The following CNOT4 variants were observed in gnomAD, a reference collection of about 807,000 sequenced individuals.
The protein encoded by CNOT4 is CCR4-NOT transcription complex subunit 4.
Under a neutral mutation model 73.8 loss-of-function variants are expected in CNOT4, and 8 were observed. That is an observed-to-expected ratio of 0.11 (90% CI 0.06 to 0.20). The LOEUF is 0.20. CNOT4 is among the 10% of genes least tolerant of loss of function. The pLI is 1.00. For missense variants in CNOT4, 564 were observed against 883.4 expected, an observed-to-expected ratio of 0.64 and a Z score of 4.58; for synonymous variants, 293 against 321.1, an observed-to-expected ratio of 0.91 and a Z score of 0.94.
At chr7:135,494,470 CAAAAAAAAAAA>C (rs34284664) in intron 1 of CNOT4, among the ~76,000 whole-genome samples, 2 of 73,054 alleles carry the variant, frequency 2.7e-5, no homozygotes, top group East Asian at 4.0e-4. Context: ...AATTCCGTCT[CAAAAAAAAAAA>C]AAAAAAAAAA....
intron 1 of CNOT4, among the ~76,000 whole-genome samples, chr7:135,474,542 G>A (rs1035575857): frequency 2.0e-5 from 3 of 152,048 alleles, no homozygotes; most frequent in African/African-American, 7.2e-5. Context: ...CTCCCAAAGT[G>A]CTAGGATTAC....
chr7:135,459,450 A>G (rs562008776), intron 1 of CNOT4, among the ~76,000 whole-genome samples: 1 of 152,148 alleles, frequency 6.6e-6, no homozygotes, highest in African/African-American at 2.4e-5. Flanking sequence ...TTTTTCTCTT[A>G]TACTTCTCCC....
intron 10 of CNOT4, among the ~76,000 whole-genome samples, chr7:135,373,292 G>A (rs1484336770): frequency 6.6e-6 from 1 of 152,220 alleles, no homozygotes; most frequent in Non-Finnish European, 1.5e-5. Context: ...GCAGGGCAAT[G>A]TAGTTCCATG....
At chr7:135,409,855 T>C (rs993974025) in intron 7 of CNOT4, among the ~76,000 whole-genome samples, 1 of 152,168 alleles carries the variant, frequency 6.6e-6, no homozygotes, top group African/African-American at 2.4e-5. Flanking sequence ...TATGATTTTC[T>C]GACAGGCCAT....
chr7:135,451,867 C>T (rs758111668), intron 1 of CNOT4, among the ~76,000 whole-genome samples: 1 of 152,108 alleles, frequency 6.6e-6, no homozygotes, highest in Non-Finnish European at 1.5e-5. Flanking sequence ...AAGACTGTGC[C>T]TATGTTATTC....
At chr7:135,483,215 G>A (rs962775301) in intron 1 of CNOT4, among the ~76,000 whole-genome samples, 4 of 150,664 alleles carry the variant, frequency 2.7e-5, no homozygotes, top group Non-Finnish European at 5.9e-5. Flanking sequence ...CCACATGCCT[G>A]TACTCCCAGC....
At chr7:135,475,324 C>G (rs904450819) in intron 1 of CNOT4, among the ~76,000 whole-genome samples, 2 of 151,996 alleles carry the variant, frequency 1.3e-5, no homozygotes, top group African/African-American at 4.8e-5. Flanking sequence ...AGTCAATCAA[C>G]AAAATTAAGC....
intron 1 of CNOT4, among the ~76,000 whole-genome samples, chr7:135,486,656 C>T (rs1044849406): frequency 2.0e-5 from 3 of 152,296 alleles, no homozygotes; most frequent in Middle Eastern, 3.4e-3. Context: ...ACCAAAATGT[C>T]CTTCAGTGGG....
At chr7:135,379,805 A>G (rs1188620064) in intron 10 of CNOT4, among the ~76,000 whole-genome samples, 6 of 152,208 alleles carry the variant, frequency 3.9e-5, no homozygotes, top group African/African-American at 1.4e-4. Context: ...AAAAATAAAA[A>G]TATACAGTTG....
intron 10 of CNOT4, chr7:135,384,350 T>C: frequency 4.2e-6 from 1 of 237,252 alleles, no homozygotes. Flanking sequence ...AGTGGCACCA[T>C]CTCGGCTCAC....
intron 1 of CNOT4, among the ~76,000 whole-genome samples, chr7:135,448,669 AT>A (rs1166521138): frequency 4.6e-5 from 7 of 152,210 alleles, no homozygotes; most frequent in African/African-American, 1.7e-4. Flanking sequence ...AAATGCCATT[AT>A]AAATATGTCC....
chr7:135,431,670 C>G (rs188514274), intron 2 of CNOT4, among the ~76,000 whole-genome samples: 20 of 150,220 alleles, frequency 1.3e-4, no homozygotes, highest in African/African-American at 4.9e-4. Flanking sequence ...TTGAACCCGG[C>G]AGGTGGAGGA....
Position 135,442,450 on chromosome 7 carries a change from T to A in CNOT4, c.-92-4027A>T, listed in dbSNP as rs144642318. Among the ~76,000 whole-genome samples, 337 of 151,888 alleles carry A rather than the reference T, an allele frequency of 2.2e-3. 12 individuals carry two copies. In the East Asian group the frequency reaches 0.054, roughly 24 times the overall value. On this transcript the variant is annotated intron_variant, in intron 1 of 11. Coordinates refer to ENST00000541284, the MANE Select transcript of CNOT4 (RefSeq NM_001190850.2). ...CGTCTCTACTAAAAATACAAAAAAA[T>A]TAGCCGAGCGTGTTGGTGCATGCCT...
At chr7:135,422,961 T>A (rs1220544814) in intron 2 of CNOT4, among the ~76,000 whole-genome samples, 3 of 152,166 alleles carry the variant, frequency 2.0e-5, no homozygotes, top group African/African-American at 7.2e-5. Context: ...GACAGAATGC[T>A]GGCACTGCAT....
intron 3 of CNOT4, 149 bp downstream of exon 3, chr7:135,422,007 A>G (rs1198845186): frequency 1.7e-6 from 1 of 590,040 alleles, no homozygotes; most frequent in Non-Finnish European, 3.0e-6. Context: ...TTGGTTTCTT[A>G]GCAATTATTC....
intron 10 of CNOT4, among the ~76,000 whole-genome samples, chr7:135,367,345 C>T (rs922334900): frequency 6.6e-6 from 1 of 152,154 alleles, no homozygotes; most frequent in Non-Finnish European, 1.5e-5. Flanking sequence ...GGACTTCACA[C>T]TGGAGTACAA....
At chr7:135,420,629 G>GTAAATA (rs201441927) in intron 3 of CNOT4, among the ~76,000 whole-genome samples, 1,724 of 149,990 alleles carry the variant, frequency 0.011, 6 homozygotes, top group Non-Finnish European at 0.02. Flanking sequence ...ATTAGTAGGT[G>GTAAATA]TAAATACTGG....
intron 1 of CNOT4, among the ~76,000 whole-genome samples, chr7:135,490,280 G>C (rs1004336281): frequency 6.6e-6 from 1 of 152,134 alleles, no homozygotes; most frequent in African/African-American, 2.4e-5. Flanking sequence ...ATTTCTGAAG[G>C]GTTTCGAGTA....
chr7:135,489,844 A>C (rs1802992057), intron 1 of CNOT4, among the ~76,000 whole-genome samples: 2 of 152,228 alleles, frequency 1.3e-5, no homozygotes, highest in Non-Finnish European at 2.9e-5. Context: ...AGAATGCAAA[A>C]TCAATAGTTA....
Sources: gnomAD v4.1 joint callset for allele counts (sites outside exome capture counted in the v4.1 genomes callset) on GRCh38, gnomAD v4.1.1 for gene constraint, MANE v1.5 for transcripts, NCBI Gene and HGNC (gene_info 2026-07-23, HGNC 2026-07-21) for gene names.